Variants in PRM1 observed in about 807,000 individuals in gnomAD.
PRM1 encodes the protein protamine 1, also known as sperm protamine P1.
In PRM1, 4 loss-of-function variants were observed where a neutral mutation model predicts 4.8. That is an observed-to-expected ratio of 0.83 (90% confidence interval 0.41 to 1.91). The LOEUF (loss-of-function observed/expected upper bound fraction) is 1.91, where lower values mean the gene tolerates loss of function less well. PRM1 is among the 40% of genes most tolerant of loss of function. PRM1 has a pLI of 0.03. For synonymous variants in PRM1, 29 were observed against 22.7 expected (o/e 1.28, Z -0.79); for missense variants, 88 against 75.7 (o/e 1.16, Z -0.61).
intron 1 of PRM1, 38 bp downstream of exon 1, chr16:11,281,089 G>A (rs770581637): frequency 6.2e-7 from 1 of 1,613,426 alleles, no homozygotes; most frequent in Non-Finnish European, 8.5e-7. Flanking sequence ...AGAGCTCCCA[G>A]CCTCAGCCCC....
rs762588708 is a variant in PRM1 at position 11,281,246 on chromosome 16, G to C, written c.-8C>G. 7 of 1,611,876 alleles carry C rather than the reference G, an allele frequency of 4.3e-6. No individual in the cohort carries two copies. In the Admixed American group the frequency reaches 1.0e-4, roughly 23 times the overall value. ...GCATCTGTACCTGGCCATGGTGCAG[G>C]ATGGGCTTGGCCTGAATGCTCAGAG... On this transcript the variant is annotated 5_prime_UTR_variant, in exon 1 of 2. It adds an upstream start codon to the 5' untranslated region. Transcript: ENST00000312511.
intron 1 of PRM1, 39 bp from the exon 2 acceptor site, chr16:11,281,074 C>T (rs1285875151): frequency 4.3e-6 from 7 of 1,613,634 alleles, no homozygotes; most frequent in South Asian, 1.1e-5. Flanking sequence ...GAAGGCTGGG[C>T]CCTGAGAGCT....
chr16:11,281,323 TGGGCTGTGAGTCAG>T (rs2069950176), exon 1 of PRM1: 3 of 1,215,470 alleles, frequency 2.5e-6, no homozygotes, highest in Admixed American at 5.1e-5. Flanking sequence ...TGGAACTCTG[TGGGCTGTGAGTCAG>T]GGGCCAGCTC....
rs745664738 is a variant in PRM1 at position 11,280,952 on chromosome 16, T to G, written c.*40A>C. 6.3e-7 allele frequency: 1 copy of G among 1,591,764 alleles called. No homozygotes were observed. The highest frequency in any genetic ancestry group is 8.6e-7 in the Non-Finnish European group (1 of 1,159,480). ...AAGAGGATCTTGAAGTCTGGTAACA[T>G]TCTCAGGCAGGAGTTTGGTGGATGT... On this transcript the variant is annotated 3_prime_UTR_variant, in exon 2 of 2. Transcript: ENST00000312511.
rs1310631123 is a variant in PRM1 at position 11,281,311 on chromosome 16, G to C, written c.-73C>G. On this transcript the variant is annotated 5_prime_UTR_variant, in exon 1 of 2. Coordinates refer to ENST00000312511, the MANE Select transcript of PRM1 (RefSeq NM_002761.3). ...GGCTGAGCCAGCCAACCTGTGAGCA[G>C]GTGGAACTCTGTGGGCTGTGAGTCA... 2 of 1,323,196 alleles carry C rather than the reference G, an allele frequency of 1.5e-6. No individual in the cohort carries two copies. Among genetic ancestry groups the C allele is most frequent in the African/African-American group, 2.9e-5 (2 of 69,300 alleles). 82.0% of individuals were successfully genotyped at this position (1,323,196 alleles called of 1,614,324 possible).
At position 11,281,161 on chromosome 16, in the gene PRM1, C is replaced by A; in HGVS notation, c.78G>T (p.Arg26Ser). ...TCCTCCGTGTCTGGCAGCTCCGCCT[C>A]CTTCGTCTGCGACTTCTTTGTCTCT... ...YRQRQRSRRR[R>S]RRSCQTRRRA... The change falls in exon 1 of 2, where the codon AGG (arginine) becomes AGT (serine). Residue 26 changes from arginine (R) to serine (S), a missense_variant. Coordinates refer to ENST00000312511, the MANE Select transcript of PRM1 (RefSeq NM_002761.3). 1 of 1,614,212 alleles carries A rather than the reference C, an allele frequency of 6.2e-7. No individual in the cohort carries two copies. The highest frequency in any genetic ancestry group is 8.5e-7 in the Non-Finnish European group (1 of 1,180,036).
rs1165444623 is a variant in PRM1, at chr16:11,280,877, C to T, written c.*115G>A. 3 of 1,203,860 alleles carry T rather than the reference C, an allele frequency of 2.5e-6. No homozygotes were observed. Among genetic ancestry groups the T allele is most frequent in the Middle Eastern group, 1.9e-4 (1 of 5,290 alleles). 74.6% of individuals were successfully genotyped at this position (1,203,860 alleles called of 1,614,324 possible). A position where few individuals can be genotyped will look rare whatever the true frequency, so the allele number is the denominator to read the frequency against. ...CATTTATTGACAGGCGGCATTGTTCCTTAGCAGGCTCCTGATTTTTATTGG... is the reference window on the plus strand; with the variant it reads ...CATTTATTGACAGGCGGCATTGTTCTTTAGCAGGCTCCTGATTTTTATTGG... On this transcript the variant is annotated 3_prime_UTR_variant, in exon 2 of 2. Coordinates refer to ENST00000312511, the MANE Select transcript of PRM1 (RefSeq NM_002761.3).
Position 11,281,218 on chromosome 16 carries a change from A to G in PRM1, c.21T>C (p.Cys7=), listed in dbSNP as rs756106766. ...AATATCTGCTCCGGCTCTGGCTGCGACAGCATCTGTACCTGGCCATGGTGC... is the reference window on the plus strand; with the variant it reads ...AATATCTGCTCCGGCTCTGGCTGCGGCAGCATCTGTACCTGGCCATGGTGC... MARYRC[C]RSQSRSRYYR... is the part of the protein sequence containing the mutation. The change falls in exon 1 of 2, where the codon TGT becomes TGC. Residue 7 remains cysteine (C), a synonymous_variant. Coordinates refer to ENST00000312511, the MANE Select transcript of PRM1 (RefSeq NM_002761.3). The G allele has an allele frequency of 6.2e-6, 10 of 1,614,106 alleles. No individual in the cohort carries two copies. The highest frequency in any genetic ancestry group is 2.2e-5 in the South Asian group (2 of 91,078).
Position 11,280,953 on chromosome 16 carries a change from T to G in PRM1, c.*39A>C. The G allele has an allele frequency of 1.3e-6, 2 of 1,592,738 alleles. No individual in the cohort carries two copies. The highest frequency in any genetic ancestry group is 1.7e-6 in the Non-Finnish European group (2 of 1,160,258). On this transcript the variant is annotated 3_prime_UTR_variant, in exon 2 of 2. Coordinates refer to ENST00000312511, the MANE Select transcript of PRM1 (RefSeq NM_002761.3). ...AGAGGATCTTGAAGTCTGGTAACAT[T>G]CTCAGGCAGGAGTTTGGTGGATGTG...
Position 11,280,955 on chromosome 16 carries a change from T to A in PRM1, c.*37A>T. On this transcript the variant is annotated 3_prime_UTR_variant, in exon 2 of 2. Transcript: ENST00000312511. The stretch of plus-strand genomic sequence containing the variant: ...AGGATCTTGAAGTCTGGTAACATTC[T>A]CAGGCAGGAGTTTGGTGGATGTGCT... 3 of 1,595,490 alleles carry A rather than the reference T, an allele frequency of 1.9e-6. No homozygotes were observed. Among genetic ancestry groups the A allele is most frequent in the Non-Finnish European group, 2.6e-6 (3 of 1,162,726 alleles).
Position 11,281,010 on chromosome 16 carries a change from C to T in PRM1, c.138G>A (p.Pro46=), listed in dbSNP as rs145663132. The change falls in exon 2 of 2, where the codon CCG becomes CCA. Residue 46 remains proline, a synonymous_variant. Transcript: ENST00000312511. The part of the protein sequence containing the change: ...AMRCCRPRYR[P]RCRRH ...TGTGCAATTAGTGTCTTCTACATCG[C>T]GGTCTGTACCTGGGGCGGCAGCACC... is the stretch of plus-strand genomic sequence containing the variant. 1.7e-4 allele frequency: 277 copies of T among 1,613,910 alleles called. 1 individual carries two copies. Among genetic ancestry groups the T allele is most frequent in the South Asian group, 1.6e-3 (143 of 91,076 alleles).
rs572583002 is a variant in PRM1 at position 11,280,859 on chromosome 16, T to G, written c.*133A>C. 7 of 1,069,410 alleles carry G rather than the reference T, an allele frequency of 6.5e-6. No individual in the cohort carries two copies. In the African/African-American group the frequency reaches 9.3e-5, roughly 14 times the overall value. 66.2% of individuals were successfully genotyped at this position (1,069,410 alleles called of 1,614,324 possible). Reference sequence around the variant, plus strand: ...AGTGGGATGACTTTTCAACATTTATTGACAGGCGGCATTGTTCCTTAGCAG... The same window carrying G: ...AGTGGGATGACTTTTCAACATTTATGGACAGGCGGCATTGTTCCTTAGCAG... On this transcript the variant is annotated 3_prime_UTR_variant, in exon 2 of 2. Coordinates refer to ENST00000312511, the MANE Select transcript of PRM1 (RefSeq NM_002761.3).
Position 11,280,881 on chromosome 16 carries a change from G to A in PRM1, c.*111C>T, listed in dbSNP as rs898561906. On this transcript the variant is annotated 3_prime_UTR_variant, in exon 2 of 2. Coordinates refer to ENST00000312511, the MANE Select transcript of PRM1 (RefSeq NM_002761.3). ...TATTGACAGGCGGCATTGTTCCTTA[G>A]CAGGCTCCTGATTTTTATTGGATGG... 80 of 1,217,820 alleles carry A rather than the reference G, an allele frequency of 6.6e-5. 1 individual carries two copies. Among genetic ancestry groups the A allele is most frequent in the Non-Finnish European group, 9.0e-5 (74 of 817,940 alleles). 75.4% of individuals were successfully genotyped at this position (1,217,820 alleles called of 1,614,324 possible). A position where few individuals can be genotyped will look rare whatever the true frequency, so the allele number is the denominator to read the frequency against.
rs2069947951 is a variant in PRM1, at chr16:11,281,198, C to G, written c.41G>C (p.Arg14Thr). 1.9e-6 allele frequency: 3 copies of G among 1,614,074 alleles called. No homozygotes were observed. In the South Asian group the frequency reaches 3.3e-5, roughly 18 times the overall value. The change falls in exon 1 of 2, where the codon AGA (arginine) becomes ACA (threonine). Residue 14 changes from arginine to threonine, a missense_variant. By Grantham distance (71) the Arg-to-Thr change is moderately conservative (BLOSUM62 -1). Coordinates refer to ENST00000312511, the MANE Select transcript of PRM1 (RefSeq NM_002761.3). ...ACTTCTTTGTCTCTGGCGGTAATAT[C>G]TGCTCCGGCTCTGGCTGCGACAGCA... ...YRCCRSQSRS[R>T]YYRQRQRSRR...
In PRM1 at chr16:11,280,973, G is replaced by T. The variant is rs1456124759; in HGVS notation, c.*19C>A. 3 of 1,609,580 alleles carry T rather than the reference G, an allele frequency of 1.9e-6. No individual in the cohort carries two copies. Among genetic ancestry groups the T allele is most frequent in the Non-Finnish European group, 2.6e-6 (3 of 1,175,744 alleles). ...AACATTCTCAGGCAGGAGTTTGGTG[G>T]ATGTGCTATTTTGTGCAATTAGTGT... is the stretch of plus-strand genomic sequence containing the variant. On this transcript the variant is annotated 3_prime_UTR_variant, in exon 2 of 2. Coordinates refer to ENST00000312511, the MANE Select transcript of PRM1 (RefSeq NM_002761.3).
In PRM1 at chr16:11,281,277, C is replaced by T; in HGVS notation, c.-39G>A. ...CTTGGCCTGAATGCTCAGAGCAGGG[C>T]ACCACCTTGGCTGAGCCAGCCAACC... is the stretch of plus-strand genomic sequence containing the variant. On this transcript the variant is annotated 5_prime_UTR_variant, in exon 1 of 2. Transcript: ENST00000312511. 2 of 1,590,054 alleles carry T rather than the reference C, an allele frequency of 1.3e-6. No individual in the cohort carries two copies. The highest frequency in any genetic ancestry group is 1.7e-6 in the Non-Finnish European group (2 of 1,159,718).
chr16:11,280,960 CAGG>C lies in PRM1; in HGVS notation c.*29_*31del. ...CTTGAAGTCTGGTAACATTCTCAGG[CAGG>C]AGTTTGGTGGATGTGCTATTTTGTG... On this transcript the variant is annotated 3_prime_UTR_variant, in exon 2 of 2. Transcript: ENST00000312511. The C allele has an allele frequency of 6.2e-7, 1 of 1,600,446 alleles. No individual in the cohort carries two copies. Among genetic ancestry groups the C allele is most frequent in the Non-Finnish European group, 8.6e-7 (1 of 1,167,334 alleles).
At position 11,281,179 on chromosome 16, in the gene PRM1, T is replaced by G; in HGVS notation, c.60A>C (p.Gln20His). ...QSRSRYYRQR[Q>H]RSRRRRRRSC... Reference sequence around the variant, plus strand: ...TCCGCCTCCTTCGTCTGCGACTTCTTTGTCTCTGGCGGTAATATCTGCTCC... The same window carrying G: ...TCCGCCTCCTTCGTCTGCGACTTCTGTGTCTCTGGCGGTAATATCTGCTCC... The change falls in exon 1 of 2, where the codon CAA becomes CAC. Residue 20 changes from glutamine to histidine, a missense_variant. Transcript: ENST00000312511. 1 of 1,614,172 alleles carries G rather than the reference T, an allele frequency of 6.2e-7. No individual in the cohort carries two copies. Among genetic ancestry groups the G allele is most frequent in the Non-Finnish European group, 8.5e-7 (1 of 1,180,028 alleles).
Position 11,281,038 on chromosome 16 carries a change from G to A in PRM1, c.113-3C>T. ...TCTGTACCTGGGGCGGCAGCACCCTGGTGAGACCAAGAAAAGTGGTGAGAG... is the reference window on the plus strand; with the variant it reads ...TCTGTACCTGGGGCGGCAGCACCCTAGTGAGACCAAGAAAAGTGGTGAGAG... On this transcript the variant is annotated splice_region_variant and splice_polypyrimidine_tract_variant and intron_variant, in intron 1 of 1. Coordinates refer to ENST00000312511, the MANE Select transcript of PRM1 (RefSeq NM_002761.3). 1 of 1,614,138 alleles carries A rather than the reference G, an allele frequency of 6.2e-7. No individual in the cohort carries two copies. Among genetic ancestry groups the A allele is most frequent in the Non-Finnish European group, 8.5e-7 (1 of 1,179,972 alleles).
Sources: gnomAD v4.1 joint callset for allele counts on GRCh38, gnomAD v4.1.1 for gene constraint, MANE v1.5 for transcripts, NCBI Gene and HGNC (gene_info 2026-07-23, HGNC 2026-07-21) for gene names.